Variants in KHDRBS2 observed in about 807,000 individuals in gnomAD.
KHDRBS2 encodes KH domain-containing, RNA-binding, signal transduction-associated protein 2.
KHDRBS2 carries 26 observed loss-of-function variants against 44.3 expected under a neutral mutation model. The observed-to-expected ratio is 0.59, with a 90% CI of 0.43 to 0.81. The LOEUF is 0.81. Ranked by LOEUF, KHDRBS2 falls within the 40% of genes least tolerant of loss-of-function variation. The probability of loss-of-function intolerance (pLI) is 0.00; values close to 1 mark genes in which losing one functional copy is unlikely to be tolerated. For synonymous variants in KHDRBS2, 194 were observed against 151.1 expected (o/e 1.28, Z -2.08); for missense variants, 476 against 433.1 (o/e 1.10, Z -0.88).
intron 3 of KHDRBS2, among the ~76,000 whole-genome samples, chr6:62,033,449 G>A (rs1220433070): frequency 6.6e-6 from 1 of 151,750 alleles, no homozygotes; most frequent in Non-Finnish European, 1.5e-5. Context: ...ATAAAGTAAA[G>A]CTACTAAAGC....
At chr6:61,837,642 A>G (rs146370268) in intron 6 of KHDRBS2, among the ~76,000 whole-genome samples, 1,878 of 152,090 alleles carry the variant, frequency 0.012, 24 homozygotes, top group Non-Finnish European at 0.02. Context: ...CTCAAACACT[A>G]CAAGCATCAA....
intron 5 of KHDRBS2, among the ~76,000 whole-genome samples, chr6:61,895,900 T>C (rs1293252961): frequency 1.3e-5 from 2 of 152,286 alleles, no homozygotes; most frequent in East Asian, 3.9e-4. Context: ...AAAATAAAAG[T>C]GAGCATTTAT....
intron 2 of KHDRBS2, among the ~76,000 whole-genome samples, chr6:62,098,664 G>C (rs1371569766): frequency 6.6e-6 from 1 of 152,086 alleles, no homozygotes; most frequent in African/African-American, 2.4e-5. Context: ...TGGCCTTCCT[G>C]TGTCTGGATT....
At chr6:61,667,070 A>G in the KHDRBS2 span, among the ~76,000 whole-genome samples, 1 of 150,720 alleles carries the variant, frequency 6.6e-6, no homozygotes, top group Non-Finnish European at 1.5e-5. Context: ...GCTTTTGCAA[A>G]CCAAACAAAA....
intron 1 of KHDRBS2, among the ~76,000 whole-genome samples, chr6:62,257,902 C>G (rs1320092982): frequency 6.6e-6 from 1 of 152,002 alleles, no homozygotes; most frequent in Non-Finnish European, 1.5e-5. Flanking sequence ...CTTTTGCTCT[C>G]TACGACGACC....
intron 6 of KHDRBS2, among the ~76,000 whole-genome samples, chr6:61,868,538 T>C (rs1307411110): frequency 6.6e-6 from 1 of 152,158 alleles, no homozygotes; most frequent in Non-Finnish European, 1.5e-5. Flanking sequence ...TGGGAGGTCC[T>C]GCCCAGTGAG....
At chr6:61,556,774 C>A in the KHDRBS2 span, among the ~76,000 whole-genome samples, 7 of 150,862 alleles carry the variant, frequency 4.6e-5, no homozygotes, top group Non-Finnish European at 1.0e-4. Flanking sequence ...TCCATTTTCT[C>A]ATACAGAATA....
intron 1 of KHDRBS2, among the ~76,000 whole-genome samples, chr6:62,237,110 A>G (rs1833826544): frequency 6.6e-6 from 1 of 152,188 alleles, no homozygotes; most frequent in Non-Finnish European, 1.5e-5. Flanking sequence ...CCAGATTGCC[A>G]TTGCGTCACA....
chr6:61,997,259 G>A (rs1246843439), intron 3 of KHDRBS2, among the ~76,000 whole-genome samples: 1 of 152,124 alleles, frequency 6.6e-6, no homozygotes, highest in East Asian at 1.9e-4. Flanking sequence ...TTTGTCACAG[G>A]AAAGAGAAAA....
intron 2 of KHDRBS2, among the ~76,000 whole-genome samples, chr6:62,155,906 GTAT>G (rs1255421236): frequency 2.0e-5 from 3 of 152,138 alleles, no homozygotes; most frequent in African/African-American, 7.2e-5. Flanking sequence ...TCCTGCTGGT[GTAT>G]TTTAGGGGAA....
At chr6:62,117,602 T>C (rs1484310150) in intron 2 of KHDRBS2, among the ~76,000 whole-genome samples, 2 of 152,136 alleles carry the variant, frequency 1.3e-5, no homozygotes, top group Admixed American at 6.6e-5. Context: ...AGAAGCTCTT[T>C]AGCTTGATGT....
At chr6:61,826,849 T>A (rs1790951539) in intron 6 of KHDRBS2, among the ~76,000 whole-genome samples, 2 of 152,094 alleles carry the variant, frequency 1.3e-5, no homozygotes, top group South Asian at 4.1e-4. Context: ...CTTTCATAAT[T>A]TTTTTAGTGT....
chr6:62,211,794 T>C (rs1320620190), intron 1 of KHDRBS2, among the ~76,000 whole-genome samples: 1 of 152,158 alleles, frequency 6.6e-6, no homozygotes. Flanking sequence ...AACCCACCAA[T>C]TCTATTTCTG....
intron 3 of KHDRBS2, among the ~76,000 whole-genome samples, chr6:62,032,787 ACT>A (rs1784592308): frequency 6.6e-6 from 1 of 151,770 alleles, no homozygotes; most frequent in African/African-American, 2.4e-5. Flanking sequence ...TATATACCTA[ACT>A]CTTCAATGCC....
chr6:61,705,155 C>T (rs901996817), intron 7 of KHDRBS2, among the ~76,000 whole-genome samples: 1 of 151,776 alleles, frequency 6.6e-6, no homozygotes, highest in Non-Finnish European at 1.5e-5. Context: ...TTGCTTAATT[C>T]TCTTTTTGCC....
At chr6:61,809,010 T>C (rs1269222704) in intron 6 of KHDRBS2, among the ~76,000 whole-genome samples, 3 of 151,992 alleles carry the variant, frequency 2.0e-5, no homozygotes, top group Non-Finnish European at 4.4e-5. Context: ...ATGATTGAAA[T>C]AAAAATTGTC....
intron 2 of KHDRBS2, among the ~76,000 whole-genome samples, chr6:62,090,950 G>C (rs1023624302): frequency 5.9e-5 from 9 of 152,166 alleles, no homozygotes; most frequent in Non-Finnish European, 1.2e-4. Flanking sequence ...GAATGGCAGA[G>C]CTCTTTATGA....
chr6:61,547,038 C>T, the KHDRBS2 span, among the ~76,000 whole-genome samples: 1 of 152,028 alleles, frequency 6.6e-6, no homozygotes, highest in Admixed American at 6.6e-5. Context: ...CACACTCACT[C>T]AGATTAGGGC....
the KHDRBS2 span, among the ~76,000 whole-genome samples, chr6:61,605,714 C>A: frequency 6.6e-6 from 1 of 152,134 alleles, no homozygotes; most frequent in Admixed American, 6.5e-5. Context: ...CAAAGCAGCC[C>A]TGAGAAACAT....
Sources: gnomAD v4.1 joint callset for allele counts (sites outside exome capture counted in the v4.1 genomes callset) on GRCh38, gnomAD v4.1.1 for gene constraint, MANE v1.5 for transcripts, NCBI Gene and HGNC (gene_info 2026-07-23, HGNC 2026-07-21) for gene names.